Variants in SHISA9 observed in about 807,000 individuals in gnomAD.
SHISA9 encodes the protein protein shisa-9.
Under a neutral mutation model 38.0 loss-of-function variants are expected in SHISA9, and 13 were observed. That is an observed-to-expected ratio of 0.34 (90% CI 0.22 to 0.54). SHISA9 has a LOEUF of 0.54. SHISA9 is among the 20% of genes least tolerant of loss of function. The pLI is 0.91. For synonymous variants in SHISA9, 275 were observed against 242.0 expected (o/e 1.14, Z -1.27); for missense variants, 538 against 575.8 (o/e 0.93, Z 0.67).
the SHISA9 span, among the ~76,000 whole-genome samples, chr16:13,303,459 A>G: frequency 6.6e-6 from 1 of 152,242 alleles, no homozygotes. Flanking sequence ...TGAAAACACT[A>G]TACGAAAATA....
At chr16:12,954,896 G>A (rs1386848253) in intron 2 of SHISA9, among the ~76,000 whole-genome samples, 4 of 151,964 alleles carry the variant, frequency 2.6e-5, no homozygotes, top group Non-Finnish European at 5.9e-5. Flanking sequence ...ATATCCAGAG[G>A]GCACAGCATG....
At position 13,022,961 on chromosome 16, in the gene SHISA9, C is replaced by G. The variant is rs150633509; in HGVS notation, c.691+106146C>G. Among the ~76,000 whole-genome samples, 538 of 152,260 alleles carry G rather than the reference C, an allele frequency of 3.5e-3. 1 individual carries two copies. Among genetic ancestry groups the G allele is most frequent in the Admixed American group, 7.1e-3 (108 of 15,298 alleles). On this transcript the variant is annotated intron_variant, in intron 2 of 4. Coordinates refer to ENST00000558583, the MANE Select transcript of SHISA9 (RefSeq NM_001145204.3). ...ACCCCATAATCCAGGATGATGTCAT[C>G]TTGAGATTAACTTGATCACATCTGC...
chr16:13,066,196 G>T (rs1281317729), intron 2 of SHISA9, among the ~76,000 whole-genome samples: 1 of 152,120 alleles, frequency 6.6e-6, no homozygotes, highest in East Asian at 1.9e-4. Context: ...TCTCGGCCTG[G>T]GTCCCTGCGT....
chr16:13,359,460 G>T, the SHISA9 span, among the ~76,000 whole-genome samples: 1 of 152,208 alleles, frequency 6.6e-6, no homozygotes, highest in Non-Finnish European at 1.5e-5. Context: ...TCCTGCCTAG[G>T]TGACAGAGTG....
At chr16:13,008,154 T>C (rs1276075290) in intron 2 of SHISA9, among the ~76,000 whole-genome samples, 2 of 152,256 alleles carry the variant, frequency 1.3e-5, no homozygotes, top group East Asian at 3.9e-4. Context: ...CAAATAAGAA[T>C]AGACATTGGT....
intron 2 of SHISA9, among the ~76,000 whole-genome samples, chr16:13,117,734 T>G (rs554162021): frequency 1.3e-5 from 2 of 152,320 alleles, no homozygotes; most frequent in South Asian, 4.1e-4. Flanking sequence ...ACTTCTGGCC[T>G]CCAGAACTGA....
chr16:13,353,815 G>C, the SHISA9 span, among the ~76,000 whole-genome samples: 1 of 152,190 alleles, frequency 6.6e-6, no homozygotes, highest in Non-Finnish European at 1.5e-5. Flanking sequence ...TTTTCGTGAA[G>C]ACGGAGGACC....
chr16:13,050,901 T>G (rs1349782774), intron 2 of SHISA9, among the ~76,000 whole-genome samples: 1 of 152,236 alleles, frequency 6.6e-6, no homozygotes, highest in African/African-American at 2.4e-5. Flanking sequence ...GTTGCTGTCC[T>G]GGGTAAACCC....
At chr16:13,098,385 C>G (rs907014460) in intron 2 of SHISA9, among the ~76,000 whole-genome samples, 1 of 152,168 alleles carries the variant, frequency 6.6e-6, no homozygotes, top group Non-Finnish European at 1.5e-5. Context: ...TTCTTTAATT[C>G]TATTTCAGTA....
intron 2 of SHISA9, among the ~76,000 whole-genome samples, chr16:13,136,614 G>T (rs1204399099): frequency 1.3e-5 from 2 of 151,866 alleles, no homozygotes; most frequent in African/African-American, 2.4e-5. Context: ...TGGCTGGGCT[G>T]GTCTCAAACT....
the SHISA9 span, among the ~76,000 whole-genome samples, chr16:13,408,302 G>C: frequency 6.6e-6 from 1 of 152,010 alleles, no homozygotes; most frequent in Non-Finnish European, 1.5e-5. Context: ...TATTTACTTA[G>C]AATAAAAAGG....
intron 4 of SHISA9, among the ~76,000 whole-genome samples, chr16:13,228,728 G>C (rs1175802173): frequency 6.6e-6 from 1 of 152,052 alleles, no homozygotes; most frequent in African/African-American, 2.4e-5. Flanking sequence ...AAGTTCAGGA[G>C]TACAAGTGCA....
At chr16:12,958,075 A>G (rs2071860570) in intron 2 of SHISA9, among the ~76,000 whole-genome samples, 1 of 152,222 alleles carries the variant, frequency 6.6e-6, no homozygotes, top group South Asian at 2.1e-4. Flanking sequence ...TAATTGGTTG[A>G]AGCAGAGGTA....
chr16:13,002,659 A>C (rs2141843052), intron 2 of SHISA9, among the ~76,000 whole-genome samples: 2 of 150,624 alleles, frequency 1.3e-5, no homozygotes, highest in South Asian at 2.1e-4. Flanking sequence ...CACCCTCCTG[A>C]GTAGCTGGGA....
the SHISA9 span, among the ~76,000 whole-genome samples, chr16:13,375,818 A>C: frequency 6.6e-6 from 1 of 152,216 alleles, no homozygotes; most frequent in South Asian, 2.1e-4. Flanking sequence ...AAGAAGACTT[A>C]ATATTGCTAA....
rs1412498322 is a variant in SHISA9 at position 12,970,408 on chromosome 16, T to TAC, written c.691+53594_691+53595insCA. On this transcript the variant is annotated intron_variant, in intron 2 of 4. Coordinates refer to ENST00000558583, the MANE Select transcript of SHISA9 (RefSeq NM_001145204.3). ...ATATATGTATATATATATATACATATATATATATACACATATATGTATATA... is the reference window on the plus strand; with the variant it reads ...ATATATGTATATATATATATACATATACATATATATACACATATATGTATATA... Among the ~76,000 whole-genome samples the TAC allele has an allele frequency of 2.8e-3, 14 of 5,002 alleles. 1 individual carries two copies. Among genetic ancestry groups the TAC allele is most frequent in the Non-Finnish European group, 7.8e-3 (13 of 1,672 alleles). The allele number at this position is 5,002 out of a possible 152,430, so 3.3% of individuals were successfully genotyped here.
At chr16:12,980,559 T>C (rs992197390) in intron 2 of SHISA9, among the ~76,000 whole-genome samples, 3 of 150,470 alleles carry the variant, frequency 2.0e-5, no homozygotes, top group Admixed American at 1.3e-4. Context: ...TTCACTACAA[T>C]GTGTCTAAAT....
chr16:13,176,102 G>GTT lies in SHISA9; in HGVS notation c.692-27286_692-27285dup, dbSNP rs144150959. On this transcript the variant is annotated intron_variant, in intron 2 of 4. Coordinates refer to ENST00000558583, the MANE Select transcript of SHISA9 (RefSeq NM_001145204.3). ...TTTTATAACTTAGCTTAATTTCCGT[G>GTT]TTTTTTTAATAAAAACCTGCCTAAT... Among the ~76,000 whole-genome samples, 222 of 151,702 alleles carry GTT rather than the reference G, an allele frequency of 1.5e-3. 1 individual carries two copies. Among genetic ancestry groups the GTT allele is most frequent in the African/African-American group, 5.2e-3 (217 of 41,380 alleles).
chr16:13,529,721 C>T, the SHISA9 span, among the ~76,000 whole-genome samples: 1 of 152,284 alleles, frequency 6.6e-6, no homozygotes, highest in African/African-American at 2.4e-5. Context: ...GAAAAAACAA[C>T]ACCAACCTAT....
Sources: gnomAD v4.1 joint callset for allele counts (sites outside exome capture counted in the v4.1 genomes callset) on GRCh38, gnomAD v4.1.1 for gene constraint, MANE v1.5 for transcripts, NCBI Gene and HGNC (gene_info 2026-07-23, HGNC 2026-07-21) for gene names.